CCDC25: variants seen among roughly 807,000 people sequenced by gnomAD.
CCDC25 encodes the protein coiled-coil domain containing 25.
CCDC25 carries 16 observed loss-of-function variants against 35.3 expected under a neutral mutation model. The ratio of observed to expected loss-of-function variants is 0.45; its 90% confidence interval spans 0.31 to 0.69. The LOEUF (loss-of-function observed/expected upper bound fraction) is 0.69, where lower values mean the gene tolerates loss of function less well. Among genes scored for constraint, CCDC25 ranks in the 30% least tolerant of loss-of-function variants. The pLI is 0.06. For missense variants in CCDC25, 179 were observed against 250.7 expected (o/e 0.71, Z 1.93); for synonymous variants, 79 against 80.3 (o/e 0.98, Z 0.09).
rs1405679880 is a variant in CCDC25, at chr8:27,765,089, CA to C, written c.76+114del. On this transcript the variant is annotated intron_variant, in intron 2 of 8. Coordinates refer to ENST00000356537, the MANE Select transcript of CCDC25 (RefSeq NM_018246.3). ...TTCTGTTTCTCAAAAGCTAGTTTAT[CA>C]AAGTAGGTGAAAACTCAGAACCAAC... The C allele has an allele frequency of 7.7e-6, 7 of 903,626 alleles. 1 individual carries two copies. In the African/African-American group the frequency reaches 1.2e-4, roughly 16 times the overall value. The allele number at this position is 903,626 out of a possible 1,614,324, so 56.0% of individuals were successfully genotyped here.
intron 4 of CCDC25, 79 bp downstream of exon 4, chr8:27,756,640 T>C: frequency 9.9e-7 from 1 of 1,009,588 alleles, no homozygotes; most frequent in Non-Finnish European, 1.6e-6. Context: ...CTGTAAGCAA[T>C]TTAATTGCAA....
At position 27,762,172 on chromosome 8, in the gene CCDC25, G is replaced by C. The variant is rs113054575; in HGVS notation, c.116+247C>G. On this transcript the variant is annotated intron_variant, in intron 3 of 8. Coordinates refer to ENST00000356537, the MANE Select transcript of CCDC25 (RefSeq NM_018246.3). ...TGTGGTCTCAGTAACTTACTATGGCGTGGAGACAAAAAGGAGGAAAAAGAA... is the reference window on the plus strand; with the variant it reads ...TGTGGTCTCAGTAACTTACTATGGCCTGGAGACAAAAAGGAGGAAAAAGAA... 8.8e-3 allele frequency among the ~76,000 whole-genome samples: 1,334 copies of C among 152,232 alleles called. 13 individuals carry two copies. Among genetic ancestry groups the C allele is most frequent in the Middle Eastern group, 0.037 (11 of 294 alleles).
At position 27,735,250 on chromosome 8, in the gene CCDC25, AG is replaced by A. The variant is rs1310174968; in HGVS notation, c.*965del. ...CCAACATGGAATAAATGGAAACACT[AG>A]CCTTTTGGTTTTGCCCACAGTTCCA... On this transcript the variant is annotated 3_prime_UTR_variant, in exon 9 of 9. Transcript: ENST00000356537. 2.0e-5 allele frequency: 3 copies of A among 152,612 alleles called. No homozygotes were observed. The highest frequency in any genetic ancestry group is 7.2e-5 in the African/African-American group (3 of 41,444). The allele number at this position is 152,612 out of a possible 1,614,324, so 9.5% of individuals were successfully genotyped here. A position where few individuals can be genotyped will look rare whatever the true frequency, so the allele number is the denominator to read the frequency against.
Position 27,764,926 on chromosome 8 carries a change from T to C in CCDC25, c.76+278A>G, listed in dbSNP as rs383023. 2.6e-4 allele frequency among the ~76,000 whole-genome samples: 40 copies of C among 152,354 alleles called. No individual in the cohort carries two copies. In the East Asian group the frequency reaches 6.9e-3, roughly 26 times the overall value. ...ATTAACTTTGGGTGTGATTTAATGG[T>C]GAAGCAGTCTGCAGCATATTAACAC... On this transcript the variant is annotated intron_variant, in intron 2 of 8. Coordinates refer to ENST00000356537, the MANE Select transcript of CCDC25 (RefSeq NM_018246.3).
At chr8:27,770,864 A>T (rs1585382299) in intron 1 of CCDC25, among the ~76,000 whole-genome samples, 1 of 152,274 alleles carries the variant, frequency 6.6e-6, no homozygotes. Flanking sequence ...ACAAGCATTT[A>T]TTGAGAACTA....
At chr8:27,770,575 T>TA (rs1021174060) in intron 1 of CCDC25, among the ~76,000 whole-genome samples, 5 of 151,666 alleles carry the variant, frequency 3.3e-5, no homozygotes, top group Non-Finnish European at 5.9e-5. Flanking sequence ...CCGTCTCTAC[T>TA]AAAAAAATAC....
intron 3 of CCDC25, among the ~76,000 whole-genome samples, chr8:27,760,190 G>A (rs1227862108): frequency 6.6e-6 from 1 of 152,170 alleles, no homozygotes; most frequent in Admixed American, 6.5e-5. Flanking sequence ...TTAATGAAAT[G>A]AAAAACTGAG....
Position 27,756,699 on chromosome 8 carries a change from C to T in CCDC25, c.168+20G>A. On this transcript the variant is annotated intron_variant, in intron 4 of 8. Coordinates refer to ENST00000356537, the MANE Select transcript of CCDC25 (RefSeq NM_018246.3). The stretch of plus-strand genomic sequence containing the variant: ...CATCATCAGGAGAAAAGTCAAGAAT[C>T]CATGTTTAAATTCAGTTACCTTATG... The T allele has an allele frequency of 6.4e-7, 1 of 1,572,126 alleles. No homozygotes were observed.
chr8:27,754,588 C>G (rs1178907228), intron 4 of CCDC25: 1 of 152,334 alleles, frequency 6.6e-6, no homozygotes, highest in Non-Finnish European at 1.5e-5. Flanking sequence ...CCTCCGCCTC[C>G]TGGGCTCAAG....
intron 4 of CCDC25, 93 bp from the exon 5 acceptor site, chr8:27,752,680 A>G: frequency 1.2e-6 from 1 of 862,202 alleles, no homozygotes; most frequent in South Asian, 1.5e-5. Flanking sequence ...CCTACTAGGC[A>G]TGATTTTACT....
chr8:27,772,581 G>A lies in CCDC25; in HGVS notation c.-41C>T. 2 of 1,542,418 alleles carry A rather than the reference G, an allele frequency of 1.3e-6. No homozygotes were observed. Among genetic ancestry groups the A allele is most frequent in the Admixed American group, 2.0e-5 (1 of 50,870 alleles). On this transcript the variant is annotated 5_prime_UTR_variant, in exon 1 of 9. Coordinates refer to ENST00000356537, the MANE Select transcript of CCDC25 (RefSeq NM_018246.3). ...GCGGTGACTCCACCGCGGAGCAGCA[G>A]CGCTCAACTCACGAAGCTCAGGATA...
At chr8:27,769,231 T>G in intron 1 of CCDC25, among the ~76,000 whole-genome samples, 1 of 152,210 alleles carries the variant, frequency 6.6e-6, no homozygotes, top group Non-Finnish European at 1.5e-5. Flanking sequence ...GCTGCACAAG[T>G]GCACTTTTAT....
At chr8:27,772,096 T>C in intron 1 of CCDC25, 1 of 200,584 alleles carries the variant, frequency 5.0e-6, no homozygotes, top group South Asian at 9.6e-5. Context: ...TAAGAAAAAG[T>C]TGTTAGCAGG....
chr8:27,765,094 T>C (rs776459988), intron 2 of CCDC25, 110 bp downstream of exon 2: 1 of 937,258 alleles, frequency 1.1e-6, no homozygotes, highest in Non-Finnish European at 1.6e-6. Flanking sequence ...TTTATCAAAG[T>C]AGGTGAAAAC....
chr8:27,736,234 A>C lies in CCDC25; in HGVS notation c.609T>G (p.Asp203Glu), dbSNP rs757991462. 1.2e-6 allele frequency: 2 copies of C among 1,608,748 alleles called. No individual in the cohort carries two copies. The highest frequency in any genetic ancestry group is 1.7e-6 in the Non-Finnish European group (2 of 1,177,728). Residue 203 changes from aspartate to glutamate, a missense_variant, in exon 9 of 9, where the codon GAT becomes GAG. Coordinates refer to ENST00000356537, the MANE Select transcript of CCDC25 (RefSeq NM_018246.3). ...ENMSSNQDGN[D>E]SDEFM ...TCTCCTTTTACATGAATTCATCTGAATCATTGCCATCCTGTAGGAAACACA... is the reference window on the plus strand; with the variant it reads ...TCTCCTTTTACATGAATTCATCTGACTCATTGCCATCCTGTAGGAAACACA...
intron 1 of CCDC25, among the ~76,000 whole-genome samples, chr8:27,767,870 A>C (rs564190140): frequency 2.0e-4 from 31 of 152,172 alleles, no homozygotes; most frequent in Non-Finnish European, 5.9e-5. Context: ...AAAATAGAGA[A>C]AAAGAGAAAC....
chr8:27,738,983 C>T (rs1448756729), intron 8 of CCDC25, among the ~76,000 whole-genome samples: 1 of 152,170 alleles, frequency 6.6e-6, no homozygotes, highest in African/African-American at 2.4e-5. Context: ...AAGACTTTCA[C>T]ATCGATGTGT....
chr8:27,752,301 G>A (rs1235243459), intron 5 of CCDC25, among the ~76,000 whole-genome samples: 2 of 152,130 alleles, frequency 1.3e-5, no homozygotes, highest in Middle Eastern at 3.2e-3. Context: ...AGACAGGACG[G>A]TCAAAATGAC....
chr8:27,756,692 C>A, intron 4 of CCDC25, 27 bp downstream of exon 4: 1 of 1,553,022 alleles, frequency 6.4e-7, no homozygotes, highest in South Asian at 1.1e-5. Flanking sequence ...GGAGAAAAGT[C>A]AAGAATCCAT....
Sources: allele counts gnomAD v4.1 joint callset (sites outside exome capture counted in the v4.1 genomes callset), GRCh38; gene constraint gnomAD v4.1.1; transcripts MANE v1.5; gene names NCBI Gene and HGNC (gene_info 2026-07-23, HGNC 2026-07-21).